Variants in RNF125 observed in about 807,000 individuals in gnomAD.
RNF125 encodes ring finger protein 125.
A neutral mutation model predicts 26.0 loss-of-function variants in RNF125; 21 were observed. The ratio of observed to expected loss-of-function variants is 0.81; its 90% CI spans 0.57 to 1.16. The LOEUF (loss-of-function observed/expected upper bound fraction) is 1.16. RNF125 is among the 50% of genes most tolerant of loss of function. The probability of loss-of-function intolerance (pLI) is 0.00; values close to 1 mark genes in which losing one functional copy is unlikely to be tolerated. For synonymous variants in RNF125, 95 were observed against 109.2 expected (o/e 0.87, Z 0.81); for missense variants, 270 against 299.4 (o/e 0.90, Z 0.72).
intron 2 of RNF125, among the ~76,000 whole-genome samples, chr18:32,038,416 G>A (rs1451459134): frequency 4.6e-5 from 7 of 152,120 alleles, no homozygotes; most frequent in Non-Finnish European, 1.5e-5. Flanking sequence ...CCCGTAATTT[G>A]TCAAACAAAT....
the RNF125 span, among the ~76,000 whole-genome samples, chr18:32,081,779 A>G: frequency 6.6e-6 from 1 of 152,194 alleles, no homozygotes; most frequent in Admixed American, 6.5e-5. Flanking sequence ...TTTCTCTCTC[A>G]TGATTAGACC....
chr18:32,071,736 A>C lies in RNF125; in HGVS notation c.*3352A>C, dbSNP rs1344211556. On this transcript the variant is annotated 3_prime_UTR_variant, in exon 6 of 6. Coordinates refer to ENST00000217740, the MANE Select transcript of RNF125 (RefSeq NM_017831.4). ...TACAGTTCTTTTATCCAGTACAAAT[A>C]ATTGGGAAAATGTAAAGCTGAATGA... 1 of 152,222 alleles carries C rather than the reference A, an allele frequency of 6.6e-6. No homozygotes were observed. Among genetic ancestry groups the C allele is most frequent in the Non-Finnish European group, 1.5e-5 (1 of 68,034 alleles). 9.4% of individuals were successfully genotyped at this position (152,222 alleles called of 1,614,324 possible). A position where few individuals can be genotyped will look rare whatever the true frequency, so the allele number is the denominator to read the frequency against.
Position 32,034,576 on chromosome 18 carries a change from A to C in RNF125, c.165-2540A>C, listed in dbSNP as rs149664783. On this transcript the variant is annotated intron_variant, in intron 1 of 5. Transcript: ENST00000217740. ...TTAAGGTATATGGAAGAGTTTTTAA[A>C]AACTTTGGTAGAGAACCAGTGTATC... Among the ~76,000 whole-genome samples, 289 of 152,262 alleles carry C rather than the reference A, an allele frequency of 1.9e-3. 2 individuals carry two copies. The highest frequency in any genetic ancestry group is 6.7e-3 in the African/African-American group (279 of 41,566).
intron 1 of RNF125, among the ~76,000 whole-genome samples, chr18:32,029,935 A>G (rs1422909783): frequency 6.6e-6 from 1 of 152,236 alleles, no homozygotes; most frequent in Non-Finnish European, 1.5e-5. Context: ...AATGGGCTGA[A>G]GAGAGCTAAA....
intron 4 of RNF125, among the ~76,000 whole-genome samples, chr18:32,054,470 TATA>T (rs1162181697): frequency 6.6e-6 from 1 of 152,198 alleles, no homozygotes; most frequent in Non-Finnish European, 1.5e-5. Flanking sequence ...ATCTAAAAAA[TATA>T]ATACTGAACA....
At chr18:32,050,517 T>C (rs1279091903) in intron 4 of RNF125, among the ~76,000 whole-genome samples, 2 of 152,088 alleles carry the variant, frequency 1.3e-5, no homozygotes, top group Non-Finnish European at 2.9e-5. Flanking sequence ...TTTTTTATTT[T>C]TGGTAAAGAT....
downstream of RNF125, among the ~76,000 whole-genome samples, chr18:32,075,113 TATC>T (rs1178560656): frequency 1.3e-5 from 2 of 152,186 alleles, no homozygotes; most frequent in Non-Finnish European, 2.9e-5. Flanking sequence ...TCTCTGAAAT[TATC>T]ATGGATTCAT....
At chr18:32,040,592 C>G (rs1412791559) in intron 2 of RNF125, among the ~76,000 whole-genome samples, 2 of 152,128 alleles carry the variant, frequency 1.3e-5, no homozygotes, top group Non-Finnish European at 2.9e-5. Context: ...AATTCCTTAT[C>G]TACTTGTCTA....
chr18:32,030,240 A>C (rs1018461334), intron 1 of RNF125, among the ~76,000 whole-genome samples: 7 of 151,880 alleles, frequency 4.6e-5, no homozygotes, highest in Admixed American at 3.3e-4. Context: ...ACAGGGTTTC[A>C]CCATGTTGGC....
chr18:32,040,236 G>GT (rs1397664462), intron 2 of RNF125, among the ~76,000 whole-genome samples: 6 of 141,676 alleles, frequency 4.2e-5, no homozygotes, highest in Non-Finnish European at 6.2e-5. Flanking sequence ...CCTGGCCTTA[G>GT]TTTTCCAGTT....
intron 1 of RNF125, among the ~76,000 whole-genome samples, chr18:32,022,232 C>T (rs977875653): frequency 2.1e-4 from 32 of 152,294 alleles, no homozygotes; most frequent in Non-Finnish European, 2.5e-4. Flanking sequence ...TATTTCAAGT[C>T]AAACAAGTTT....
chr18:32,019,044 C>T lies in RNF125; in HGVS notation c.164+17C>T, dbSNP rs1268510599. 1 of 1,610,232 alleles carries T rather than the reference C, an allele frequency of 6.2e-7. No individual in the cohort carries two copies. Among genetic ancestry groups the T allele is most frequent in the Admixed American group, 1.7e-5 (1 of 59,602 alleles). ...TGGCCACGTGTAAGTTCCAGGGGAG[C>T]TCGGTTTGCGCCCACCCCTAAGGAG... On this transcript the variant is annotated intron_variant, in intron 1 of 5. Transcript: ENST00000217740.
In RNF125 at chr18:32,066,021, T is replaced by G. The variant is rs886936791; in HGVS notation, c.612+12T>G. ...ATGATGATTTCATAGTAAGTATATT[T>G]TCTTATTTTTACATTATGTTTTCAT... is the stretch of plus-strand genomic sequence containing the variant. On this transcript the variant is annotated intron_variant, in intron 5 of 5. Transcript: ENST00000217740. The G allele has an allele frequency of 2.0e-6, 3 of 1,490,488 alleles. No individual in the cohort carries two copies. The highest frequency in any genetic ancestry group is 1.7e-5 in the Admixed American group (1 of 58,996). The allele number at this position is 1,490,488 out of a possible 1,614,324, so 92.3% of individuals were successfully genotyped here.
chr18:32,063,046 C>T (rs1423314734), intron 4 of RNF125, among the ~76,000 whole-genome samples: 2 of 151,726 alleles, frequency 1.3e-5, no homozygotes, highest in Admixed American at 6.6e-5. Flanking sequence ...ATGGTGAAAC[C>T]CTGTCTTTAC....
At chr18:32,026,824 T>C (rs914562361) in intron 1 of RNF125, among the ~76,000 whole-genome samples, 1 of 152,168 alleles carries the variant, frequency 6.6e-6, no homozygotes, top group African/African-American at 2.4e-5. Context: ...ACCAAGAAGC[T>C]CTTGATGGCT....
downstream of RNF125, among the ~76,000 whole-genome samples, chr18:32,073,814 G>C (rs1232193779): frequency 1.3e-5 from 2 of 152,166 alleles, no homozygotes; most frequent in Admixed American, 1.3e-4. Context: ...ACCCAGATCA[G>C]TTGAGAAGAT....
Position 32,043,285 on chromosome 18 carries a change from T to C in RNF125, c.413+1012T>C, listed in dbSNP as rs141278723. 6.5e-4 allele frequency among the ~76,000 whole-genome samples: 99 copies of C among 152,384 alleles called. 2 individuals are homozygous for C. In the East Asian group the frequency reaches 0.018, roughly 28 times the overall value. ...ATCTGTGCTCTCTAGCAAAGATTGA[T>C]GGCTTTCCAGCCATTAATCTGCCTA... is the stretch of plus-strand genomic sequence containing the variant. On this transcript the variant is annotated intron_variant, in intron 3 of 5. Transcript: ENST00000217740.
chr18:32,090,245 CAAAAGAA>C, the RNF125 span, among the ~76,000 whole-genome samples: 1 of 151,700 alleles, frequency 6.6e-6, no homozygotes, highest in Non-Finnish European at 1.5e-5. Context: ...GATTCTGTCT[CAAAAGAA>C]AAAAGAAAAA....
chr18:32,047,281 G>A (rs778214834), intron 4 of RNF125, among the ~76,000 whole-genome samples: 11 of 152,054 alleles, frequency 7.2e-5, no homozygotes, highest in East Asian at 1.9e-4. Flanking sequence ...CTTGTGGTTC[G>A]CCCACGTCGG....
Sources: gnomAD v4.1 joint callset for allele counts (sites outside exome capture counted in the v4.1 genomes callset) on GRCh38, gnomAD v4.1.1 for gene constraint, MANE v1.5 for transcripts, NCBI Gene and HGNC (gene_info 2026-07-23, HGNC 2026-07-21) for gene names.